SYNE1: variants seen among roughly 807,000 people sequenced by gnomAD.
SYNE1 encodes the protein nesprin-1.
In SYNE1, 616 loss-of-function variants were observed where a neutral mutation model predicts 1,111.0. The ratio of observed to expected loss-of-function variants is 0.55; its 90% CI spans 0.52 to 0.59. The LOEUF is 0.59. Ranked by LOEUF, SYNE1 falls within the 20% of genes least tolerant of loss-of-function variation. SYNE1 has a pLI of 0.00. For missense variants in SYNE1, 10,006 were observed against 10,417.0 expected, an observed-to-expected ratio of 0.96 and a Z score of 1.72; for synonymous variants, 3,855 against 3,825.8, an observed-to-expected ratio of 1.01 and a Z score of -0.28.
chr6:152,407,634 A>G (rs952390486), intron 44 of SYNE1, among the ~76,000 whole-genome samples: 1 of 152,222 alleles, frequency 6.6e-6, no homozygotes, highest in Non-Finnish European at 1.5e-5. Flanking sequence ...ACGCATATGA[A>G]AGCAACCAAT....
chr6:152,425,457 C>T lies in SYNE1; in HGVS notation c.5191G>A (p.Asp1731Asn). 1 of 1,614,166 alleles carries T rather than the reference C, an allele frequency of 6.2e-7. No individual in the cohort carries two copies. The highest frequency in any genetic ancestry group is 8.5e-7 in the Non-Finnish European group (1 of 1,180,016). ...AAATGTAGTTTCATCATTTTCACAT[C>T]ATCTTTGGAGGCTACTGAGAACAAT... is the stretch of plus-strand genomic sequence containing the variant. ...ESLFSVASKD[D>N]VKMMKLHLEQ... The change falls in exon 39 of 146, where the codon GAT becomes AAT. Residue 1731 changes from aspartate (D) to asparagine (N), a missense_variant. Physicochemically the swap from Asp to Asn is conservative, Grantham distance 23. Transcript: ENST00000367255.
chr6:152,289,109 C>T (rs547108017), intron 95 of SYNE1, among the ~76,000 whole-genome samples: 1 of 152,050 alleles, frequency 6.6e-6, no homozygotes, highest in African/African-American at 2.4e-5. Context: ...TGAATTTCAC[C>T]TCAATTAAAA....
At chr6:152,563,930 AG>A (rs1226586518) in intron 3 of SYNE1, among the ~76,000 whole-genome samples, 6 of 152,200 alleles carry the variant, frequency 3.9e-5, no homozygotes, top group African/African-American at 1.4e-4. Flanking sequence ...AGTTGCCAAG[AG>A]AATCACACCA....
At chr6:152,467,086 C>A (rs1378947670) in intron 16 of SYNE1, among the ~76,000 whole-genome samples, 1 of 151,964 alleles carries the variant, frequency 6.6e-6, no homozygotes, top group African/African-American at 2.4e-5. Flanking sequence ...TTTGAGATAA[C>A]ATTTTAAAAA....
At chr6:152,278,349 T>C (rs1483152413) in intron 97 of SYNE1, 69 bp from the exon 98 acceptor site, 1 of 1,553,570 alleles carries the variant, frequency 6.4e-7, no homozygotes, top group Non-Finnish European at 8.9e-7. Flanking sequence ...TTTCCCACAG[T>C]GAAATACAGC....
chr6:152,510,373 T>C lies in SYNE1; in HGVS notation c.403-2A>G. The C allele has an allele frequency of 6.2e-7, 1 of 1,613,782 alleles. No individual in the cohort carries two copies. Among genetic ancestry groups the C allele is most frequent in the Non-Finnish European group, 8.5e-7 (1 of 1,179,890 alleles). On this transcript the variant is annotated splice_acceptor_variant, in intron 7 of 145. Coordinates refer to ENST00000367255, the MANE Select transcript of SYNE1 (RefSeq NM_182961.4). LOFTEE classifies it high-confidence loss of function. ...CAGGTTGCTGGTCAACTCTTCAATCTGTTTGTGAGTTAACAGCCAGCAAAA... is the reference window on the plus strand; with the variant it reads ...CAGGTTGCTGGTCAACTCTTCAATCCGTTTGTGAGTTAACAGCCAGCAAAA...
chr6:152,433,728 T>A (rs1372596185), intron 34 of SYNE1, 67 bp downstream of exon 34: 1 of 1,581,784 alleles, frequency 6.3e-7, no homozygotes, highest in East Asian at 2.2e-5. Context: ...CAGCATTTGA[T>A]GAAATGTAAG....
intron 3 of SYNE1, among the ~76,000 whole-genome samples, chr6:152,556,518 T>C (rs1464676662): frequency 3.3e-5 from 5 of 152,254 alleles, no homozygotes; most frequent in East Asian, 1.9e-4. Flanking sequence ...ATGACCCCCA[T>C]GAACTCAGAC....
chr6:152,400,204 AGCACCAG>A (rs2097791154), intron 47 of SYNE1, among the ~76,000 whole-genome samples: 1 of 151,868 alleles, frequency 6.6e-6, no homozygotes, highest in Admixed American at 6.6e-5. Context: ...GCTCACCAAA[AGCACCAG>A]TAGTTAATTT....
At chr6:152,236,452 G>A (rs972813165) in intron 109 of SYNE1, 149 bp from the exon 110 acceptor site, 3 of 678,494 alleles carry the variant, frequency 4.4e-6, no homozygotes, top group African/African-American at 1.8e-5. Flanking sequence ...ACTTTAAGAT[G>A]TTTCATCTAT....
At chr6:152,310,118 T>C in intron 89 of SYNE1, 101 bp from the exon 90 acceptor site, 4 of 1,313,842 alleles carry the variant, frequency 3.0e-6, no homozygotes, top group Non-Finnish European at 3.9e-6. Flanking sequence ...TATAAACATT[T>C]TGCAAAAAAA....
chr6:152,195,067 T>C (rs1459550861), intron 127 of SYNE1, among the ~76,000 whole-genome samples: 1 of 152,050 alleles, frequency 6.6e-6, no homozygotes, highest in East Asian at 1.9e-4. Context: ...ATTACACACA[T>C]GTGCCACCAT....
intron 3 of SYNE1, among the ~76,000 whole-genome samples, chr6:152,599,698 C>T (rs888552395): frequency 2.6e-5 from 4 of 152,182 alleles, no homozygotes; most frequent in Admixed American, 2.6e-4. Flanking sequence ...GAATTAAAAT[C>T]CATTGGCCAG....
chr6:152,318,333 G>A (rs2095787702), intron 85 of SYNE1, 70 bp from the exon 86 acceptor site: 2 of 1,563,394 alleles, frequency 1.3e-6, no homozygotes, highest in East Asian at 2.3e-5. Flanking sequence ...CCCGAGATCA[G>A]ACTGATTTTT....
intron 11 of SYNE1, 151 bp from the exon 12 acceptor site, chr6:152,488,654 A>G (rs1009672415): frequency 2.4e-5 from 13 of 535,268 alleles, no homozygotes; most frequent in Non-Finnish European, 4.3e-5. Flanking sequence ...CACCTTTAGG[A>G]CAGTAAGAAG....
At chr6:152,152,855 T>A (rs553504400) in intron 133 of SYNE1, among the ~76,000 whole-genome samples, 4 of 152,320 alleles carry the variant, frequency 2.6e-5, no homozygotes, top group South Asian at 2.1e-4. Context: ...ACCCACACAG[T>A]AGCATCAATT....
chr6:152,297,341 C>T (rs1386225069), intron 93 of SYNE1, among the ~76,000 whole-genome samples: 1 of 152,130 alleles, frequency 6.6e-6, no homozygotes, highest in Non-Finnish European at 1.5e-5. Context: ...CTAAAGGGGG[C>T]CATCCTTGAC....
At chr6:152,384,329 C>T (rs867508311) in intron 55 of SYNE1, among the ~76,000 whole-genome samples, 46 of 152,222 alleles carry the variant, frequency 3.0e-4, no homozygotes, top group African/African-American at 1.0e-3. Flanking sequence ...GTTTGTGGAT[C>T]GCTGTTCCTC....
intron 3 of SYNE1, among the ~76,000 whole-genome samples, chr6:152,590,569 T>A (rs1421092299): frequency 6.6e-6 from 1 of 152,182 alleles, no homozygotes; most frequent in Non-Finnish European, 1.5e-5. Context: ...TCCTGTATGG[T>A]TTCTTGTTGC....
Sources: allele counts gnomAD v4.1 joint callset (sites outside exome capture counted in the v4.1 genomes callset), GRCh38; gene constraint gnomAD v4.1.1; transcripts MANE v1.5; gene names NCBI Gene and HGNC (gene_info 2026-07-23, HGNC 2026-07-21).